CFAP54: variants seen among roughly 807,000 people sequenced by gnomAD.
CFAP54 encodes cilia and flagella associated protein 54, also known as cilia- and flagella-associated protein 54.
A neutral mutation model predicts 370.4 loss-of-function variants in CFAP54; 290 were observed. That is an observed-to-expected ratio of 0.78 (90% CI 0.71 to 0.86). The LOEUF is 0.86. Ranked by LOEUF, CFAP54 falls within the 40% of genes least tolerant of loss-of-function variation. The probability of loss-of-function intolerance (pLI) is 0.00; values close to 1 mark genes in which losing one functional copy is unlikely to be tolerated. For synonymous variants in CFAP54, 1,206 were observed against 1,236.5 expected (o/e 0.98, Z 0.52); for missense variants, 3,399 against 3,528.7 (o/e 0.96, Z 0.93).
At chr12:96,723,515 T>C (rs1799665846) in intron 50 of CFAP54, among the ~76,000 whole-genome samples, 1 of 152,044 alleles carries the variant, frequency 6.6e-6, no homozygotes, top group Non-Finnish European at 1.5e-5. Flanking sequence ...AAGGTAAGGA[T>C]AGAGAGTTGA....
chr12:96,704,452 G>GTATATATATATATA (rs71068825), intron 46 of CFAP54, among the ~76,000 whole-genome samples: 1 of 61,316 alleles, frequency 1.6e-5, no homozygotes, highest in Non-Finnish European at 3.2e-5. Flanking sequence ...ATGTATGTGT[G>GTATATATATATATA]TATATATATA....
At chr12:96,670,650 G>C (rs1450571450) in intron 39 of CFAP54, among the ~76,000 whole-genome samples, 1 of 152,180 alleles carries the variant, frequency 6.6e-6, no homozygotes, top group Non-Finnish European at 1.5e-5. Flanking sequence ...ATTGGGATGA[G>C]GCCTAAGAGC....
chr12:96,580,785 C>T (rs1371293610), intron 21 of CFAP54, 96 bp downstream of exon 21: 10 of 1,100,592 alleles, frequency 9.1e-6, no homozygotes, highest in Non-Finnish European at 1.2e-5. Flanking sequence ...TCTCTAATTT[C>T]CACCTGAATC....
At chr12:96,555,940 A>G (rs1042360857) in intron 17 of CFAP54, among the ~76,000 whole-genome samples, 1 of 151,918 alleles carries the variant, frequency 6.6e-6, no homozygotes, top group East Asian at 1.9e-4. Flanking sequence ...TAGCTAAGAC[A>G]TTCCTGAAGG....
intron 58 of CFAP54, among the ~76,000 whole-genome samples, chr12:96,760,635 C>T (rs1362662848): frequency 6.6e-6 from 1 of 152,176 alleles, no homozygotes. Context: ...TGGGTTCAAG[C>T]AATTCTCCTG....
intron 66 of CFAP54, among the ~76,000 whole-genome samples, chr12:96,837,977 A>G (rs1203495695): frequency 6.6e-6 from 1 of 152,206 alleles, no homozygotes; most frequent in Non-Finnish European, 1.5e-5. Flanking sequence ...TACACTTCTG[A>G]TATCTTTTTA....
chr12:96,700,424 A>G (rs1957479517), intron 46 of CFAP54, among the ~76,000 whole-genome samples: 1 of 152,168 alleles, frequency 6.6e-6, no homozygotes, highest in African/African-American at 2.4e-5. Flanking sequence ...GTCTAACATT[A>G]TAATTTCTGG....
chr12:96,792,762 T>G (rs1190724557), intron 63 of CFAP54, among the ~76,000 whole-genome samples: 5 of 152,138 alleles, frequency 3.3e-5, no homozygotes. Flanking sequence ...CTTAACTTTT[T>G]TTTGGTAGTT....
intron 1 of CFAP54, among the ~76,000 whole-genome samples, chr12:96,493,872 A>G (rs1954916393): frequency 6.6e-6 from 1 of 152,228 alleles, no homozygotes; most frequent in South Asian, 2.1e-4. Flanking sequence ...TATTCCCATT[A>G]GAAATTAAAA....
At chr12:96,765,351 C>T in intron 60 of CFAP54, 133 bp downstream of exon 60, 1 of 775,992 alleles carries the variant, frequency 1.3e-6, no homozygotes, top group East Asian at 3.0e-5. Context: ...TCCAGGGGAT[C>T]ATAGGGGTCC....
At chr12:96,571,076 T>C (rs1955912458) in intron 19 of CFAP54, among the ~76,000 whole-genome samples, 1 of 152,210 alleles carries the variant, frequency 6.6e-6, no homozygotes, top group South Asian at 2.1e-4. Context: ...TGGTACTTTA[T>C]CATTCCAGTC....
intron 50 of CFAP54, among the ~76,000 whole-genome samples, chr12:96,733,300 T>C (rs1294209384): frequency 6.6e-6 from 1 of 152,270 alleles, no homozygotes; most frequent in East Asian, 1.9e-4. Flanking sequence ...GCTGAGAGTG[T>C]TGGACAGTCC....
At chr12:96,828,559 G>T (rs1241894078) in intron 65 of CFAP54, among the ~76,000 whole-genome samples, 1 of 152,126 alleles carries the variant, frequency 6.6e-6, no homozygotes, top group East Asian at 1.9e-4. Context: ...CAACCTGTCT[G>T]TGGGTAGGTC....
Position 96,691,142 on chromosome 12 carries a change from AAC to A in CFAP54, c.6099_6100del (p.Leu2034SerfsTer6). ...TTCATTTTCAGGGTTTGCTTAGAAC[AAC>A]ACTTCCACATCCCAAAGCTGAACGT... ...ALLFQGLLRT[T>X]LPHPKAERCY... On this transcript the variant is annotated frameshift_variant, in exon 44 of 68. Coordinates refer to ENST00000524981, the MANE Select transcript of CFAP54 (RefSeq NM_001306084.2). LOFTEE classifies it high-confidence loss of function. The A allele has an allele frequency of 3.7e-6, 6 of 1,613,416 alleles. No individual in the cohort carries two copies. Among genetic ancestry groups the A allele is most frequent in the Non-Finnish European group, 5.1e-6 (6 of 1,179,684 alleles).
intron 50 of CFAP54, among the ~76,000 whole-genome samples, chr12:96,723,979 T>C (rs945344609): frequency 7.2e-5 from 11 of 151,862 alleles, no homozygotes; most frequent in Non-Finnish European, 1.5e-4. Flanking sequence ...ACTTCCAATT[T>C]CATCCATGTC....
At chr12:96,511,641 T>C (rs116565698) in intron 4 of CFAP54, among the ~76,000 whole-genome samples, 4 of 150,370 alleles carry the variant, frequency 2.7e-5, no homozygotes, top group Admixed American at 6.6e-5. Flanking sequence ...CACACCATCA[T>C]GCCCAACTAA....
intron 65 of CFAP54, among the ~76,000 whole-genome samples, chr12:96,824,588 C>G (rs779166414): frequency 1.3e-5 from 2 of 152,158 alleles, no homozygotes; most frequent in Non-Finnish European, 2.9e-5. Context: ...TCCCCTCTAT[C>G]TGGAAAAGTG....
At chr12:96,736,665 A>T (rs573468519) in intron 50 of CFAP54, among the ~76,000 whole-genome samples, 1 of 152,354 alleles carries the variant, frequency 6.6e-6, no homozygotes, top group African/African-American at 2.4e-5. Flanking sequence ...TCAGTTATCA[A>T]AGATACTAAG....
Position 96,742,497 on chromosome 12 carries a change from A to G in CFAP54, c.7130A>G (p.Glu2377Gly), listed in dbSNP as rs370596283. 41 of 1,611,748 alleles carry G rather than the reference A, an allele frequency of 2.5e-5. No individual in the cohort carries two copies. The African/African-American group carries it at 5.1e-4, about 20-fold the overall frequency. The change falls in exon 52 of 68, where the codon GAA becomes GGA. Residue 2377 changes from glutamate (E) to glycine (G), a missense_variant. Transcript: ENST00000524981. ...FLDPISLNAR[E>G]YFNIHLWLRC... Reference sequence around the variant, plus strand: ...GATCCTATTTCCCTAAATGCCCGAGAATATTTCAACATTCATCTGTGGTTG... The same window carrying G: ...GATCCTATTTCCCTAAATGCCCGAGGATATTTCAACATTCATCTGTGGTTG...
Sources: allele counts gnomAD v4.1 joint callset (sites outside exome capture counted in the v4.1 genomes callset), GRCh38; gene constraint gnomAD v4.1.1; transcripts MANE v1.5; gene names NCBI Gene and HGNC (gene_info 2026-07-23, HGNC 2026-07-21).